The following PTPRD variants were observed in gnomAD, a reference collection of about 807,000 sequenced individuals.
PTPRD encodes receptor-type tyrosine-protein phosphatase delta.
In PTPRD, 34 loss-of-function variants were observed where a neutral mutation model predicts 214.5. The ratio of observed to expected loss-of-function variants is 0.16; its 90% confidence interval spans 0.12 to 0.21. The LOEUF is 0.21. PTPRD is among the 10% of genes least tolerant of loss of function. The pLI is 1.00. For synonymous variants in PTPRD, 1,128 were observed against 845.7 expected (o/e 1.33, Z -5.79); for missense variants, 2,545 against 2,398.7 (o/e 1.06, Z -1.27).
chr9:10,030,435 G>C (rs1194896032), intron 4 of PTPRD, among the ~76,000 whole-genome samples: 1 of 152,138 alleles, frequency 6.6e-6, no homozygotes, highest in African/African-American at 2.4e-5. Context: ...TTGTTTCTCA[G>C]AAATAAGGCC....
At chr9:10,423,077 T>C (rs1181227556) in intron 2 of PTPRD, among the ~76,000 whole-genome samples, 1 of 152,024 alleles carries the variant, frequency 6.6e-6, no homozygotes, top group East Asian at 1.9e-4. Flanking sequence ...AATGATAGAC[T>C]GGATTAAGAA....
intron 35 of PTPRD, among the ~76,000 whole-genome samples, chr9:8,426,693 T>A (rs1030807227): frequency 4.6e-5 from 7 of 152,026 alleles, no homozygotes; most frequent in Non-Finnish European, 1.0e-4. Context: ...AGAAAACGAG[T>A]TATGTGAGAG....
intron 3 of PTPRD, among the ~76,000 whole-genome samples, chr9:10,044,992 G>T (rs1349333766): frequency 6.6e-6 from 1 of 151,588 alleles, no homozygotes; most frequent in East Asian, 1.9e-4. Context: ...GCATATAGAG[G>T]CTACTCTCTA....
chr9:9,097,846 T>C (rs916197383), intron 10 of PTPRD, among the ~76,000 whole-genome samples: 4 of 152,060 alleles, frequency 2.6e-5, no homozygotes, highest in African/African-American at 7.2e-5. Context: ...CCTTGAAAGA[T>C]AGAGATGGTG....
intron 3 of PTPRD, among the ~76,000 whole-genome samples, chr9:10,101,716 A>G (rs1006863469): frequency 1.3e-5 from 2 of 151,742 alleles, no homozygotes; most frequent in African/African-American, 4.8e-5. Context: ...AGCTAATTTT[A>G]TATTGGAAGG....
chr9:8,656,835 G>C (rs566807049), intron 12 of PTPRD, among the ~76,000 whole-genome samples: 1 of 152,296 alleles, frequency 6.6e-6, no homozygotes, highest in Admixed American at 6.5e-5. Flanking sequence ...GAGGATGTCA[G>C]TGACAAACTA....
At chr9:9,851,622 T>C (rs2060563755) in intron 5 of PTPRD, among the ~76,000 whole-genome samples, 1 of 152,182 alleles carries the variant, frequency 6.6e-6, no homozygotes, top group Non-Finnish European at 1.5e-5. Flanking sequence ...CATTTATAAT[T>C]TCACTGGGTT....
At chr9:9,395,298 GC>G (rs2067378170) in intron 9 of PTPRD, among the ~76,000 whole-genome samples, 1 of 152,008 alleles carries the variant, frequency 6.6e-6, no homozygotes. Flanking sequence ...AAAATTTCAG[GC>G]CCTAATGTAA....
chr9:8,578,775 T>C (rs1312179874), intron 14 of PTPRD, among the ~76,000 whole-genome samples: 1 of 152,240 alleles, frequency 6.6e-6, no homozygotes, highest in African/African-American at 2.4e-5. Flanking sequence ...TTATTTAACA[T>C]ATTGACTTAA....
chr9:9,250,899 C>T (rs1280648610), intron 9 of PTPRD, among the ~76,000 whole-genome samples: 1 of 151,930 alleles, frequency 6.6e-6, no homozygotes, highest in East Asian at 1.9e-4. Flanking sequence ...TTATCTTTAT[C>T]CTTGGATCAC....
intron 35 of PTPRD, among the ~76,000 whole-genome samples, chr9:8,420,934 A>C (rs2094318072): frequency 6.6e-6 from 1 of 151,830 alleles, no homozygotes; most frequent in Non-Finnish European, 1.5e-5. Context: ...GTACAGGATC[A>C]CTGTCAGGGA....
At chr9:9,721,998 TAG>T (rs574185133) in intron 7 of PTPRD, among the ~76,000 whole-genome samples, 1 of 152,070 alleles carries the variant, frequency 6.6e-6, no homozygotes, top group Non-Finnish European at 1.5e-5. Flanking sequence ...GTGTGAGTGT[TAG>T]AGAGTCTTAT....
chr9:8,506,845 G>T (rs1224541371), intron 22 of PTPRD, among the ~76,000 whole-genome samples: 1 of 152,090 alleles, frequency 6.6e-6, no homozygotes, highest in Non-Finnish European at 1.5e-5. Flanking sequence ...ACAAACATTT[G>T]CTATTGGGGA....
chr9:8,946,895 G>T (rs1567171875), intron 11 of PTPRD, among the ~76,000 whole-genome samples: 1 of 149,370 alleles, frequency 6.7e-6, no homozygotes, highest in South Asian at 2.1e-4. Flanking sequence ...TTTTCTATTG[G>T]TCTCTTTCTT....
chr9:8,576,550 C>G (rs190431159), intron 14 of PTPRD, among the ~76,000 whole-genome samples: 2 of 140,966 alleles, frequency 1.4e-5, no homozygotes, highest in Admixed American at 1.5e-4. Flanking sequence ...GTGTAGTTCT[C>G]TTTTTGTGTG....
chr9:8,689,408 A>C (rs1244450703), intron 12 of PTPRD, among the ~76,000 whole-genome samples: 1 of 152,188 alleles, frequency 6.6e-6, no homozygotes, highest in East Asian at 1.9e-4. Context: ...GACACACCCA[A>C]GACTGGGAAG....
chr9:8,834,926 G>A (rs1382228604), intron 11 of PTPRD, among the ~76,000 whole-genome samples: 2 of 152,158 alleles, frequency 1.3e-5, no homozygotes, highest in African/African-American at 4.8e-5. Context: ...TAACTCCTGG[G>A]GTTATTCAGA....
intron 8 of PTPRD, among the ~76,000 whole-genome samples, chr9:9,525,667 A>T (rs1333734418): frequency 2.0e-5 from 3 of 152,126 alleles, no homozygotes; most frequent in Non-Finnish European, 4.4e-5. Context: ...GAATCTAAAA[A>T]GAAATACTTT....
chr9:9,015,839 A>G (rs866403009), intron 11 of PTPRD, among the ~76,000 whole-genome samples: 4 of 152,188 alleles, frequency 2.6e-5, no homozygotes, highest in Non-Finnish European at 5.9e-5. Context: ...TTCAGCAAGT[A>G]TACGTAGATC....
Sources: gnomAD v4.1 joint callset for allele counts (sites outside exome capture counted in the v4.1 genomes callset) on GRCh38, gnomAD v4.1.1 for gene constraint, MANE v1.5 for transcripts, NCBI Gene and HGNC (gene_info 2026-07-23, HGNC 2026-07-21) for gene names.